TAF3: variants seen among roughly 807,000 people sequenced by gnomAD.
TAF3 encodes the protein transcription initiation factor TFIID subunit 3.
TAF3 carries 7 observed loss-of-function variants against 80.6 expected under a neutral mutation model. The ratio of observed to expected loss-of-function variants is 0.09; its 90% CI spans 0.05 to 0.16. TAF3 has a LOEUF of 0.16. Ranked by LOEUF, TAF3 falls within the 10% of genes least tolerant of loss-of-function variation. The pLI, the probability that TAF3 is intolerant of heterozygous loss-of-function variation, is 1.00. For synonymous variants in TAF3, 444 were observed against 446.1 expected (o/e 1.00, Z 0.06); for missense variants, 921 against 1,140.2 (o/e 0.81, Z 2.77).
chr10:7,990,679 C>G (rs1283360220), intron 4 of TAF3, among the ~76,000 whole-genome samples: 1 of 152,216 alleles, frequency 6.6e-6, no homozygotes, highest in Non-Finnish European at 1.5e-5. Flanking sequence ...CTTATTTGTG[C>G]TCCCTTTACA....
intron 2 of TAF3, among the ~76,000 whole-genome samples, chr10:7,922,368 A>T (rs1837771111): frequency 6.6e-6 from 1 of 152,084 alleles, no homozygotes; most frequent in Admixed American, 6.5e-5. Context: ...GGACTTTTCC[A>T]TTGTGAATGT....
At chr10:7,865,249 T>G (rs1201091353) in intron 2 of TAF3, among the ~76,000 whole-genome samples, 3 of 151,988 alleles carry the variant, frequency 2.0e-5, no homozygotes, top group Non-Finnish European at 2.9e-5. Context: ...GGGCGGATCA[T>G]GAGGTCAGGA....
At chr10:7,926,922 C>T (rs563775970) in intron 2 of TAF3, among the ~76,000 whole-genome samples, 73 of 152,180 alleles carry the variant, frequency 4.8e-4, no homozygotes, top group Non-Finnish European at 7.9e-4. Context: ...CTGTTTGGTT[C>T]AACGTGTGTA....
rs183843510 is a variant in TAF3 at position 7,858,600 on chromosome 10, A to G, written c.409+34040A>G. Among the ~76,000 whole-genome samples, 74 of 152,286 alleles carry G rather than the reference A, an allele frequency of 4.9e-4. No individual in the cohort carries two copies. In the Middle Eastern group the frequency reaches 0.02, roughly 42 times the overall value. ...TGTTGAAAATTGTCTTAGATTATTAACTAAGTTCAGTCTTTTTGTGTGTTC... is the reference window on the plus strand; with the variant it reads ...TGTTGAAAATTGTCTTAGATTATTAGCTAAGTTCAGTCTTTTTGTGTGTTC... On this transcript the variant is annotated intron_variant, in intron 2 of 6. Coordinates refer to ENST00000344293, the MANE Select transcript of TAF3 (RefSeq NM_031923.4).
At chr10:7,929,887 C>G (rs1245888460) in intron 2 of TAF3, among the ~76,000 whole-genome samples, 1 of 152,042 alleles carries the variant, frequency 6.6e-6, no homozygotes, top group Non-Finnish European at 1.5e-5. Context: ...TAAGAAATTA[C>G]ATGTCTGTAT....
chr10:7,988,675 C>G (rs927623854), intron 4 of TAF3, among the ~76,000 whole-genome samples: 4 of 141,534 alleles, frequency 2.8e-5, no homozygotes, highest in Non-Finnish European at 3.0e-5. Flanking sequence ...CACTTGAGCC[C>G]AGGAGTTTGA....
intron 3 of TAF3, among the ~76,000 whole-genome samples, chr10:7,972,466 C>T (rs978380606): frequency 6.6e-6 from 1 of 151,994 alleles, no homozygotes; most frequent in African/African-American, 2.4e-5. Context: ...GGGACAATCC[C>T]AGTTATGTGG....
chr10:7,875,672 AC>A (rs1837306482), intron 2 of TAF3, among the ~76,000 whole-genome samples: 1 of 152,160 alleles, frequency 6.6e-6, no homozygotes, highest in Admixed American at 6.5e-5. Flanking sequence ...AGCTTTAAAA[AC>A]CAGAACAATG....
chr10:8,004,713 CTCTA>C (rs747031651), intron 4 of TAF3, among the ~76,000 whole-genome samples: 115 of 152,138 alleles, frequency 7.6e-4, no homozygotes, highest in Middle Eastern at 3.4e-3. Context: ...GATTTTTCCT[CTCTA>C]TCTATGATAT....
chr10:7,900,106 G>A (rs1487187683), intron 2 of TAF3, among the ~76,000 whole-genome samples: 4 of 152,140 alleles, frequency 2.6e-5, no homozygotes, highest in Admixed American at 6.5e-5. Context: ...AGCTTACACC[G>A]AATGGTATAA....
intron 2 of TAF3, among the ~76,000 whole-genome samples, chr10:7,842,151 GTTTTTTTTTTTT>G (rs1836921853): frequency 3.0e-5 from 3 of 98,748 alleles, no homozygotes; most frequent in African/African-American, 7.5e-5. Flanking sequence ...AATTAATATT[GTTTTTTTTTTTT>G]GTTTTTTTTT....
intron 2 of TAF3, among the ~76,000 whole-genome samples, chr10:7,858,494 G>C (rs181174938): frequency 2.2e-4 from 34 of 152,258 alleles, no homozygotes; most frequent in African/African-American, 7.9e-4. Flanking sequence ...TTTTTCACTA[G>C]TTCCGGATCT....
At chr10:7,975,650 G>T (rs1831665641) in intron 3 of TAF3, among the ~76,000 whole-genome samples, 1 of 152,224 alleles carries the variant, frequency 6.6e-6, no homozygotes, top group Admixed American at 6.5e-5. Flanking sequence ...TCTCCTGCAT[G>T]CAGGCATCAT....
intron 2 of TAF3, among the ~76,000 whole-genome samples, chr10:7,844,789 G>A (rs1836953240): frequency 6.6e-6 from 1 of 151,860 alleles, no homozygotes; most frequent in Admixed American, 6.6e-5. Context: ...CATTATTTAT[G>A]TTCTGCTTTT....
chr10:7,863,985 T>C (rs993251413), intron 2 of TAF3, among the ~76,000 whole-genome samples: 2 of 151,768 alleles, frequency 1.3e-5, no homozygotes, highest in Admixed American at 6.6e-5. Flanking sequence ...AAGTACAGAG[T>C]TCCTAAATTC....
At chr10:7,914,418 T>C (rs932139049) in intron 2 of TAF3, among the ~76,000 whole-genome samples, 1 of 152,234 alleles carries the variant, frequency 6.6e-6, no homozygotes, top group African/African-American at 2.4e-5. Context: ...ACAGCACTTA[T>C]AATCTGTCGG....
intron 5 of TAF3, among the ~76,000 whole-genome samples, chr10:8,010,881 C>T (rs1832047632): frequency 1.3e-5 from 2 of 152,046 alleles, no homozygotes; most frequent in African/African-American, 4.8e-5. Context: ...GCTCTCTAGC[C>T]TGAGGGACAA....
intron 2 of TAF3, among the ~76,000 whole-genome samples, chr10:7,912,594 A>C: frequency 6.6e-6 from 1 of 152,200 alleles, no homozygotes. Flanking sequence ...AAAAACTATG[A>C]TTTTCTTAAT....
At chr10:7,910,740 G>A (rs1837649877) in intron 2 of TAF3, among the ~76,000 whole-genome samples, 1 of 152,098 alleles carries the variant, frequency 6.6e-6, no homozygotes, top group Admixed American at 6.6e-5. Flanking sequence ...ATTTTTTCAA[G>A]GATGTTAACC....
Sources: allele counts gnomAD v4.1 joint callset (sites outside exome capture counted in the v4.1 genomes callset), GRCh38; gene constraint gnomAD v4.1.1; transcripts MANE v1.5; gene names NCBI Gene and HGNC (gene_info 2026-07-23, HGNC 2026-07-21).